Variants in ACAT1 observed in about 807,000 individuals in gnomAD.
ACAT1 encodes the protein acetyl-CoA acetyltransferase, mitochondrial.
ACAT1 carries 28 observed loss-of-function variants against 47.3 expected under a neutral mutation model. The observed-to-expected ratio is 0.59, with a 90% CI of 0.44 to 0.81. ACAT1 has a LOEUF of 0.81. Among genes scored for constraint, ACAT1 ranks in the 30% least tolerant of loss-of-function variants. The pLI, the probability that ACAT1 is intolerant of heterozygous loss-of-function variation, is 0.00. For synonymous variants in ACAT1, 181 were observed against 173.6 expected (o/e 1.04, Z -0.34); for missense variants, 469 against 524.3 (o/e 0.89, Z 1.03).
chr11:108,121,405 T>G, upstream of ACAT1: 1 of 637,502 alleles, frequency 1.6e-6, no homozygotes. Context: ...CCTTCACTCG[T>G]CAACCTTTCC....
At chr11:108,138,042 G>A (rs2077500035) in intron 5 of ACAT1, among the ~76,000 whole-genome samples, 1 of 152,064 alleles carries the variant, frequency 6.6e-6, no homozygotes, top group African/African-American at 2.4e-5. Flanking sequence ...AGGCTGAAGT[G>A]CAGTGGTGCG....
At chr11:108,134,081 C>G in intron 3 of ACAT1, 140 bp from the exon 4 acceptor site, 5 of 1,149,876 alleles carry the variant, frequency 4.3e-6, no homozygotes, top group Non-Finnish European at 6.4e-6. Flanking sequence ...AGTCTTTGTA[C>G]TATACAGTTT....
chr11:108,145,706 G>GCAAA (rs200464496), intron 10 of ACAT1, among the ~76,000 whole-genome samples: 1,559 of 152,118 alleles, frequency 0.01, 35 homozygotes, highest in African/African-American at 0.036. Context: ...CAGACATAAT[G>GCAAA]CAAACAAAAT....
upstream of ACAT1, among the ~76,000 whole-genome samples, chr11:108,120,056 T>C (rs573281317): frequency 5.9e-5 from 9 of 151,582 alleles, no homozygotes; most frequent in African/African-American, 1.9e-4. Context: ...CCGTCTCTAC[T>C]AAAATACAAA....
chr11:108,116,854 A>G (rs1864960673), upstream of ACAT1, among the ~76,000 whole-genome samples: 1 of 152,204 alleles, frequency 6.6e-6, no homozygotes, highest in Non-Finnish European at 1.5e-5. Context: ...ACCCACAGAA[A>G]GAACCAATCC....
Position 108,132,853 on chromosome 11 carries a change from C to CAAA in ACAT1, c.120+925_120+927dup, listed in dbSNP as rs57501370. 1.2e-3 allele frequency among the ~76,000 whole-genome samples: 57 copies of CAAA among 47,898 alleles called. 3 individuals carry two copies. The highest frequency in any genetic ancestry group is 1.6e-3 in the Non-Finnish European group (46 of 29,024). The allele number at this position is 47,898 out of a possible 152,430, so 31.4% of individuals were successfully genotyped here. A position where few individuals can be genotyped will look rare whatever the true frequency, so the allele number is the denominator to read the frequency against. Reference sequence around the variant, plus strand: ...TGGGCAACAGAGCAAAACTCCATCTCAAAAAAAAAAAAAAAAAAAAAAAAA... The same window carrying CAAA: ...TGGGCAACAGAGCAAAACTCCATCTCAAAAAAAAAAAAAAAAAAAAAAAAAAAA... On this transcript the variant is annotated intron_variant, in intron 2 of 11. Transcript: ENST00000265838.
In ACAT1 at chr11:108,121,598, T is replaced by G; in HGVS notation, c.-9T>G. On this transcript the variant is annotated 5_prime_UTR_variant, in exon 1 of 12. Transcript: ENST00000265838. ...CGCCTGTGGAGCCGATACTCAGCCC[T>G]CTGCGACCATGGCTGTGCTGGCGGC... 2 of 1,550,306 alleles carry G rather than the reference T, an allele frequency of 1.3e-6. No homozygotes were observed. Among genetic ancestry groups the G allele is most frequent in the Non-Finnish European group, 1.7e-6 (2 of 1,146,972 alleles).
chr11:108,132,472 A>AG (rs2077379924), intron 2 of ACAT1, among the ~76,000 whole-genome samples: 1 of 152,194 alleles, frequency 6.6e-6, no homozygotes, highest in South Asian at 2.1e-4. Flanking sequence ...GTGTAAGGAG[A>AG]GAACTGTCAC....
In ACAT1 at chr11:108,135,177, A is replaced by G. The variant is rs1591363715; in HGVS notation, c.370A>G (p.Lys124Glu). 6.2e-7 allele frequency: 1 copy of G among 1,613,934 alleles called. No homozygotes were observed. Among genetic ancestry groups the G allele is most frequent in the East Asian group, 2.2e-5 (1 of 44,846 alleles). ...TTCTACTCCATGTACCACCATAAACAAAGTTTGTGCTTCAGGAATGAAAGC... is the reference window on the plus strand; with the variant it reads ...TTCTACTCCATGTACCACCATAAACGAAGTTTGTGCTTCAGGAATGAAAGC... ...PISTPCTTIN[K>E]VCASGMKAIM... The change falls in exon 5 of 12, where the codon AAA becomes GAA. Residue 124 changes from lysine to glutamate, a missense_variant. Physicochemically the swap from Lys to Glu is moderately conservative, Grantham distance 56. Transcript: ENST00000265838.
At chr11:108,129,786 A>G (rs964497100) in intron 1 of ACAT1, among the ~76,000 whole-genome samples, 7 of 152,162 alleles carry the variant, frequency 4.6e-5, no homozygotes, top group Non-Finnish European at 1.0e-4. Context: ...TTGAAGAGAT[A>G]CAATGGGCAA....
chr11:108,141,981 A>C (rs2077597577), intron 8 of ACAT1, among the ~76,000 whole-genome samples: 1 of 152,196 alleles, frequency 6.6e-6, no homozygotes, highest in African/African-American at 2.4e-5. Flanking sequence ...TTATTGATAT[A>C]ATTTATATAC....
intron 8 of ACAT1, 109 bp from the exon 9 acceptor site, chr11:108,142,328 G>A (rs960826966): frequency 3.6e-6 from 3 of 831,772 alleles, no homozygotes; most frequent in Middle Eastern, 2.2e-4. Context: ...ACCCATATTT[G>A]TAATTTCTTT....
upstream of ACAT1, among the ~76,000 whole-genome samples, chr11:108,120,708 C>T (rs1229595157): frequency 6.6e-6 from 1 of 152,082 alleles, no homozygotes; most frequent in East Asian, 1.9e-4. Context: ...CTGGAATCAC[C>T]TGAGGCCTTT....
intron 3 of ACAT1, 32 bp downstream of exon 3, chr11:108,133,969 G>A (rs891679038): frequency 6.4e-7 from 1 of 1,554,678 alleles, no homozygotes; most frequent in African/African-American, 1.4e-5. Flanking sequence ...TGTGTTAAGG[G>A]AGCAAAAAGA....
intron 1 of ACAT1, among the ~76,000 whole-genome samples, chr11:108,122,634 A>T (rs544425518): frequency 6.6e-6 from 1 of 152,374 alleles, no homozygotes; most frequent in South Asian, 2.1e-4. Flanking sequence ...ATTGTAAAAG[A>T]ACCAGTCTAG....
chr11:108,135,296 A>G, intron 5 of ACAT1, 54 bp downstream of exon 5: 2 of 1,327,578 alleles, frequency 1.5e-6, no homozygotes, highest in Non-Finnish European at 2.2e-6. Context: ...TAGGGCTAAA[A>G]GACACAAAAA....
At chr11:108,123,264 C>A (rs2077184693) in intron 1 of ACAT1, among the ~76,000 whole-genome samples, 1 of 151,974 alleles carries the variant, frequency 6.6e-6, no homozygotes, top group Non-Finnish European at 1.5e-5. Flanking sequence ...AAATGAAACA[C>A]AAATACTCCT....
In ACAT1 at chr11:108,147,418, C is replaced by T. The variant is rs370288623; in HGVS notation, c.*28C>T. 3 of 1,611,564 alleles carry T rather than the reference C, an allele frequency of 1.9e-6. No individual in the cohort carries two copies. Among genetic ancestry groups the T allele is most frequent in the Non-Finnish European group, 2.5e-6 (3 of 1,179,000 alleles). ...AACCTCTGCTATTTAAGGAGACAAC[C>T]CTATGTGACCAGAAGGCCTGCTGTA... On this transcript the variant is annotated 3_prime_UTR_variant, in exon 12 of 12. Coordinates refer to ENST00000265838, the MANE Select transcript of ACAT1 (RefSeq NM_000019.4).
intron 1 of ACAT1, among the ~76,000 whole-genome samples, chr11:108,130,455 G>T (rs764020967): frequency 3.9e-5 from 6 of 151,982 alleles, no homozygotes; most frequent in African/African-American, 1.2e-4. Context: ...GTACAGTGGC[G>T]TGATCTTGGC....
Sources: gnomAD v4.1 joint callset for allele counts (sites outside exome capture counted in the v4.1 genomes callset) on GRCh38, gnomAD v4.1.1 for gene constraint, MANE v1.5 for transcripts, NCBI Gene and HGNC (gene_info 2026-07-23, HGNC 2026-07-21) for gene names.